PCDHGB1: variants seen among roughly 807,000 people sequenced by gnomAD.
The protein encoded by PCDHGB1 is protocadherin gamma subfamily B, 1, also known as protocadherin gamma-B1.
PCDHGB1 carries 34 observed loss-of-function variants against 56.6 expected under a neutral mutation model. The observed-to-expected ratio is 0.60, with a 90% CI of 0.46 to 0.80. PCDHGB1 has a LOEUF of 0.80. Among genes scored for constraint, PCDHGB1 ranks in the 30% least tolerant of loss-of-function variants. PCDHGB1 has a pLI of 0.00. For synonymous variants in PCDHGB1, 561 were observed against 505.9 expected (o/e 1.11, Z -1.46); for missense variants, 1,278 against 1,204.6 (o/e 1.06, Z -0.90).
In PCDHGB1 at chr5:141,365,449, T is replaced by C. The variant is rs546328235; in HGVS notation, c.2409+12780T>C. The C allele has an allele frequency of 6.1e-5, 99 of 1,614,052 alleles. 1 individual carries two copies. The East Asian group carries it at 2.2e-3, about 35-fold the overall frequency. On this transcript the variant is annotated intron_variant, in intron 1 of 3. Transcript: ENST00000523390. Reference sequence around the variant, plus strand: ...TAATCGCGCTGTTTAGCGTACATGATGGTGATTCTGGAGAAAATGGTGAGA... The same window carrying C: ...TAATCGCGCTGTTTAGCGTACATGACGGTGATTCTGGAGAAAATGGTGAGA...
At chr5:141,405,169 CTT>C (rs1561698717) in intron 1 of PCDHGB1, 2 of 1,614,122 alleles carry the variant, frequency 1.2e-6, no homozygotes, top group Non-Finnish European at 1.7e-6. Flanking sequence ...CCACCTCACA[CTT>C]TGTGGGTGTA....
chr5:141,458,512 T>TG (rs2098947554), intron 1 of PCDHGB1, among the ~76,000 whole-genome samples: 2 of 150,084 alleles, frequency 1.3e-5, no homozygotes, highest in African/African-American at 5.0e-5. Context: ...TTTGACACTT[T>TG]GTTTTTTTTT....
At chr5:141,506,865 G>T (rs1403350484) in intron 3 of PCDHGB1, among the ~76,000 whole-genome samples, 1 of 152,186 alleles carries the variant, frequency 6.6e-6, no homozygotes, top group African/African-American at 2.4e-5. Flanking sequence ...GGACTGGTGG[G>T]TAGAGAACCA....
chr5:141,389,834 A>G, intron 1 of PCDHGB1: 2 of 1,613,988 alleles, frequency 1.2e-6, no homozygotes, highest in Non-Finnish European at 1.7e-6. Context: ...GTGGACAGCC[A>G]CCACTCTCGG....
At chr5:141,448,021 G>A (rs1376525971) in intron 1 of PCDHGB1, among the ~76,000 whole-genome samples, 2 of 152,050 alleles carry the variant, frequency 1.3e-5, no homozygotes, top group African/African-American at 4.8e-5. Context: ...AGGAGGTGGA[G>A]GTTGCAGTGA....
At position 141,392,949 on chromosome 5, in the gene PCDHGB1, G is replaced by A. The variant is rs747367099; in HGVS notation, c.2409+40280G>A. On this transcript the variant is annotated intron_variant, in intron 1 of 3. Transcript: ENST00000523390. ...AGAGACGGACAAAGGCTCCTTCGTG[G>A]GTAATATCTCCAAGGACCTGGGGCT... The A allele has an allele frequency of 5.6e-6, 9 of 1,613,906 alleles. No homozygotes were observed. In the South Asian group the frequency reaches 8.8e-5, roughly 16 times the overall value.
At chr5:141,488,146 A>G (rs1458115635) in intron 1 of PCDHGB1, among the ~76,000 whole-genome samples, 2 of 152,164 alleles carry the variant, frequency 1.3e-5, no homozygotes, top group South Asian at 4.1e-4. Context: ...AACTAAAGGA[A>G]TAGAGAGGCA....
intron 1 of PCDHGB1, chr5:141,408,692 A>C: frequency 6.2e-7 from 1 of 1,613,906 alleles, no homozygotes; most frequent in Non-Finnish European, 8.5e-7. Context: ...TGATATAAAC[A>C]TAAACTCAAT....
intron 1 of PCDHGB1, chr5:141,383,711 A>G (rs201269369): frequency 5.5e-4 from 889 of 1,614,004 alleles, no homozygotes; most frequent in Non-Finnish European, 6.8e-4. Flanking sequence ...GACCTGGACG[A>G]GGGAGTCAAT....
At chr5:141,407,505 T>TTTTTTTTTTTTTTTTTTTTTTGAGACGG (rs1460306566) in intron 1 of PCDHGB1, among the ~76,000 whole-genome samples, 2 of 152,142 alleles carry the variant, frequency 1.3e-5, no homozygotes, top group African/African-American at 2.4e-5. Context: ...CTGTTTTTCT[T>TTTTTTTTTTTTTTTTTTTTTTGAGACGG]AGGCTATGTA....
chr5:141,406,620 C>T (rs1355085005), intron 1 of PCDHGB1, among the ~76,000 whole-genome samples: 1 of 152,148 alleles, frequency 6.6e-6, no homozygotes, highest in Non-Finnish European at 1.5e-5. Flanking sequence ...CTTTTATTCT[C>T]ATATCTTCAA....
In PCDHGB1 at chr5:141,489,152, A is replaced by C; in HGVS notation, c.2410-5655A>C. The C allele has an allele frequency of 2.1e-6, 2 of 960,350 alleles. No individual in the cohort carries two copies. Among genetic ancestry groups the C allele is most frequent in the Non-Finnish European group, 3.1e-6 (2 of 640,552 alleles). 59.5% of individuals were successfully genotyped at this position (960,350 alleles called of 1,614,324 possible). A position where few individuals can be genotyped will look rare whatever the true frequency, so the allele number is the denominator to read the frequency against. On this transcript the variant is annotated intron_variant, in intron 1 of 3. Transcript: ENST00000523390. This position sits in a 1 kb window ranked among gnomAD's most constrained non-coding sequence, Gnocchi z 4.5. The stretch of plus-strand genomic sequence containing the variant: ...TTTTAAGAGGCTGGAAGGAGACATA[A>C]GAGACTTCAGCTGCTGCATTCCAAG...
At chr5:141,388,728 A>G (rs377444638) in intron 1 of PCDHGB1, 11 of 1,613,902 alleles carry the variant, frequency 6.8e-6, no homozygotes, top group Admixed American at 1.7e-5. Flanking sequence ...TTTCTCTTTC[A>G]GTGAAGCTAG....
In PCDHGB1 at chr5:141,404,943, TAGCTGAC is replaced by T. The variant is rs770372146; in HGVS notation, c.2409+52278_2409+52284del. On this transcript the variant is annotated intron_variant, in intron 1 of 3. Transcript: ENST00000523390. ...GCCACTGTCACGCTCACAGTAGCCA[TAGCTGAC>T]AGCATCCCAGACATCCTGGCTGACC... 24 of 1,613,914 alleles carry T rather than the reference TAGCTGAC, an allele frequency of 1.5e-5. No individual in the cohort carries two copies. In the East Asian group the frequency reaches 4.0e-4, roughly 27 times the overall value.
chr5:141,399,602 T>G, intron 1 of PCDHGB1: 1 of 1,613,956 alleles, frequency 6.2e-7, no homozygotes, highest in South Asian at 1.1e-5. Context: ...GCCAGCGACC[T>G]AGAGCCTCTG....
At chr5:141,433,362 T>C (rs1285511534) in intron 1 of PCDHGB1, 6 of 299,814 alleles carry the variant, frequency 2.0e-5, no homozygotes, top group Non-Finnish European at 2.5e-5. Flanking sequence ...TGTCTGCCTA[T>C]CTATCTATCT....
chr5:141,357,170 C>A (rs1760495778), intron 1 of PCDHGB1: 1 of 1,613,716 alleles, frequency 6.2e-7, no homozygotes, highest in South Asian at 1.1e-5. Flanking sequence ...CTCTCGGCCA[C>A]CGTCACACTC....
chr5:141,403,367 G>A (rs753470303), intron 1 of PCDHGB1: 1 of 1,614,038 alleles, frequency 6.2e-7, no homozygotes, highest in South Asian at 1.1e-5. Context: ...CGAAAGTCTG[G>A]AAGTAAAAAT....
chr5:141,403,021 A>G (rs1367554344), intron 1 of PCDHGB1: 2 of 1,613,944 alleles, frequency 1.2e-6, no homozygotes, highest in African/African-American at 1.3e-5. Flanking sequence ...TGGGGATGCT[A>G]TGGGAGGCCA....
Sources: gnomAD v4.1 joint callset for allele counts (sites outside exome capture counted in the v4.1 genomes callset) on GRCh38, gnomAD v4.1.1 for gene constraint, Gnocchi (gnomAD v3.1) non-coding constraint, MANE v1.5 for transcripts, NCBI Gene and HGNC (gene_info 2026-07-23, HGNC 2026-07-21) for gene names.